Variants in WDHD1 observed in about 807,000 individuals in gnomAD.
The protein encoded by WDHD1 is WD repeat and HMG-box DNA-binding protein 1.
WDHD1 carries 111 observed loss-of-function variants against 135.4 expected under a neutral mutation model. That is an observed-to-expected ratio of 0.82 (90% CI 0.70 to 0.96). WDHD1 has a LOEUF of 0.96. Among genes scored for constraint, WDHD1 ranks in the 40% least tolerant of loss-of-function variants. The probability of loss-of-function intolerance (pLI) is 0.00; values close to 1 mark genes in which losing one functional copy is unlikely to be tolerated. For missense variants in WDHD1, 1,351 were observed against 1,336.3 expected, an observed-to-expected ratio of 1.01 and a Z score of -0.17; for synonymous variants, 434 against 439.0, an observed-to-expected ratio of 0.99 and a Z score of 0.14.
chr14:55,008,947 C>T (rs552800152), intron 4 of WDHD1, among the ~76,000 whole-genome samples: 1 of 152,168 alleles, frequency 6.6e-6, no homozygotes, highest in South Asian at 2.1e-4. Context: ...CAGGTGTGCA[C>T]CACCATGCCC....
At chr14:54,944,544 A>G in intron 24 of WDHD1, 74 bp from the exon 25 acceptor site, 1 of 1,400,272 alleles carries the variant, frequency 7.1e-7, no homozygotes, top group South Asian at 1.5e-5. Flanking sequence ...TTAAGTTAGT[A>G]ATCAACCATA....
intron 2 of WDHD1, among the ~76,000 whole-genome samples, chr14:55,026,410 T>C (rs1488733691): frequency 6.6e-6 from 1 of 152,108 alleles, no homozygotes; most frequent in African/African-American, 2.4e-5. Flanking sequence ...ATTTGACAAG[T>C]AGGCAGTAAC....
chr14:54,978,434 A>G (rs972667370), intron 16 of WDHD1, among the ~76,000 whole-genome samples: 3 of 152,060 alleles, frequency 2.0e-5, no homozygotes, highest in Non-Finnish European at 4.4e-5. Context: ...TATTTTTAAA[A>G]ATTAGCCAGG....
intron 20 of WDHD1, 42 bp from the exon 21 acceptor site, chr14:54,962,593 T>C: frequency 6.4e-7 from 1 of 1,552,868 alleles, no homozygotes; most frequent in Non-Finnish European, 8.8e-7. Flanking sequence ...ATGGGGAAAA[T>C]ATAGTCATCC....
chr14:55,007,956 ACT>A (rs2042100292), intron 6 of WDHD1, among the ~76,000 whole-genome samples: 2 of 152,058 alleles, frequency 1.3e-5, no homozygotes, highest in Non-Finnish European at 2.9e-5. Context: ...TGTATATGTG[ACT>A]CTCCAAATCA....
intron 7 of WDHD1, 144 bp downstream of exon 7, chr14:55,007,136 G>A (rs1021398885): frequency 4.4e-5 from 26 of 596,064 alleles, no homozygotes; most frequent in Non-Finnish European, 6.8e-5. Flanking sequence ...GCTGAGGCAG[G>A]AGAATTGCTA....
chr14:55,015,547 T>C (rs1163065070), intron 2 of WDHD1, among the ~76,000 whole-genome samples: 1 of 152,132 alleles, frequency 6.6e-6, no homozygotes, highest in African/African-American at 2.4e-5. Flanking sequence ...TACCCTTTCC[T>C]GATGCAATGT....
At chr14:55,015,042 C>T (rs904527036) in intron 2 of WDHD1, among the ~76,000 whole-genome samples, 1 of 152,128 alleles carries the variant, frequency 6.6e-6, no homozygotes, top group Non-Finnish European at 1.5e-5. Context: ...TGGTTAGGCT[C>T]CCTTCTATAG....
At chr14:55,003,676 G>T (rs1242475120) in intron 7 of WDHD1, among the ~76,000 whole-genome samples, 1 of 151,390 alleles carries the variant, frequency 6.6e-6, no homozygotes, top group Non-Finnish European at 1.5e-5. Flanking sequence ...CAATTCTCCT[G>T]CCTCAGCCTC....
intron 23 of WDHD1, among the ~76,000 whole-genome samples, chr14:54,956,211 A>G (rs2041156708): frequency 6.6e-6 from 1 of 152,202 alleles, no homozygotes; most frequent in African/African-American, 2.4e-5. Flanking sequence ...GGCCATGTAC[A>G]ATATCAGCCA....
rs549137123 is a variant in WDHD1 at position 54,971,676 on chromosome 14, G to A, written c.2064-4282C>T. 3.2e-5 allele frequency among the ~76,000 whole-genome samples: 4 copies of A among 126,068 alleles called. No individual in the cohort carries two copies. In the South Asian group the frequency reaches 7.6e-4, roughly 24 times the overall value. 82.7% of individuals were successfully genotyped at this position (126,068 alleles called of 152,430 possible). A position where few individuals can be genotyped will look rare whatever the true frequency, so the allele number is the denominator to read the frequency against. ...TGAGCCATGATCTCATCTCACCACC[G>A]CACTGTAGCCTGGGTGACAGAATGA... On this transcript the variant is annotated intron_variant, in intron 16 of 25. Transcript: ENST00000360586.
At position 55,000,506 on chromosome 14, in the gene WDHD1, A is replaced by G. The variant is rs745767617; in HGVS notation, c.939T>C (p.Ser313=). ...GTTGTACCATACTCCCTTTTACCTT[A>G]CTGCTTGATGTCTTTCCACTGGGGT... ...VCDPSGKTSS[S]KVSSRVEKDY... The change falls in exon 10 of 26, where the codon AGT becomes AGC. Residue 313 remains serine, a synonymous_variant. Transcript: ENST00000360586. 3 of 1,602,340 alleles carry G rather than the reference A, an allele frequency of 1.9e-6. No individual in the cohort carries two copies. Among genetic ancestry groups the G allele is most frequent in the Non-Finnish European group, 2.6e-6 (3 of 1,174,402 alleles).
intron 16 of WDHD1, among the ~76,000 whole-genome samples, chr14:54,968,959 T>C (rs915013799): frequency 1.3e-5 from 2 of 152,170 alleles, no homozygotes; most frequent in African/African-American, 4.8e-5. Context: ...GGAAGATTAA[T>C]TGAGCTTGGG....
At chr14:54,952,496 CACAA>C (rs1204590719) in intron 24 of WDHD1, among the ~76,000 whole-genome samples, 1 of 152,134 alleles carries the variant, frequency 6.6e-6, no homozygotes, top group Non-Finnish European at 1.5e-5. Flanking sequence ...TAAAAGAGGA[CACAA>C]ACAAACGGAA....
chr14:55,025,530 G>A (rs1362763803), intron 2 of WDHD1, among the ~76,000 whole-genome samples: 1 of 152,216 alleles, frequency 6.6e-6, no homozygotes, highest in African/African-American at 2.4e-5. Flanking sequence ...TCTTCTAACA[G>A]TCTTTCTGCA....
intron 24 of WDHD1, among the ~76,000 whole-genome samples, chr14:54,948,363 C>T (rs1297467675): frequency 1.3e-5 from 2 of 152,174 alleles, no homozygotes; most frequent in Non-Finnish European, 2.9e-5. Flanking sequence ...TAATACTGTG[C>T]TTTTCCAATG....
At chr14:55,001,604 T>A (rs1482819164) in intron 8 of WDHD1, among the ~76,000 whole-genome samples, 1 of 152,164 alleles carries the variant, frequency 6.6e-6, no homozygotes, top group Non-Finnish European at 1.5e-5. Context: ...AATGTTATTA[T>A]CCTAGAAAGA....
chr14:54,983,934 T>G (rs987994752), intron 15 of WDHD1, among the ~76,000 whole-genome samples: 6 of 152,168 alleles, frequency 3.9e-5, no homozygotes, highest in African/African-American at 1.4e-4. Context: ...ATAAAAAAAT[T>G]GATTTTTATA....
At position 55,002,186 on chromosome 14, in the gene WDHD1, C is replaced by A; in HGVS notation, c.601-1G>T. On this transcript the variant is annotated splice_acceptor_variant, in intron 7 of 25. Coordinates refer to ENST00000360586, the MANE Select transcript of WDHD1 (RefSeq NM_007086.4). LOFTEE classifies it high-confidence loss of function. Reference sequence around the variant, plus strand: ...ATTTTTCCACAGGAATTGCCAGTAACTATTAGAAAAGATAAACAACGTAAA... The same window carrying A: ...ATTTTTCCACAGGAATTGCCAGTAAATATTAGAAAAGATAAACAACGTAAA... 6.3e-7 allele frequency: 1 copy of A among 1,576,452 alleles called. No homozygotes were observed. The highest frequency in any genetic ancestry group is 2.3e-5 in the East Asian group (1 of 44,310).
Sources: gnomAD v4.1 joint callset for allele counts (sites outside exome capture counted in the v4.1 genomes callset) on GRCh38, gnomAD v4.1.1 for gene constraint, MANE v1.5 for transcripts, NCBI Gene and HGNC (gene_info 2026-07-23, HGNC 2026-07-21) for gene names.